Variants in NMNAT3 observed in about 807,000 individuals in gnomAD.
NMNAT3 encodes nicotinamide/nicotinic acid mononucleotide adenylyltransferase 3.
NMNAT3 carries 21 observed loss-of-function variants against 24.8 expected under a neutral mutation model. The observed-to-expected ratio is 0.85, with a 90% CI of 0.60 to 1.22. The LOEUF (loss-of-function observed/expected upper bound fraction) is 1.22. Ranked by LOEUF, NMNAT3 falls within the 50% of genes most tolerant of loss-of-function variation. NMNAT3 has a pLI of 0.00. For synonymous variants in NMNAT3, 136 were observed against 155.2 expected, an observed-to-expected ratio of 0.88 and a Z score of 0.92; for missense variants, 387 against 436.6, an observed-to-expected ratio of 0.89 and a Z score of 1.01.
At chr3:139,615,136 T>C (rs1576651862) in intron 3 of NMNAT3, among the ~76,000 whole-genome samples, 1 of 152,222 alleles carries the variant, frequency 6.6e-6, no homozygotes, top group East Asian at 1.9e-4. Context: ...TGGGAGACCT[T>C]ACATTGGCTG....
intron 2 of NMNAT3, among the ~76,000 whole-genome samples, chr3:139,628,626 A>G (rs184066936): frequency 6.6e-5 from 10 of 152,290 alleles, no homozygotes; most frequent in Admixed American, 5.2e-4. Context: ...TTGAGGTTAA[A>G]GGTGAGAAGG....
intron 5 of NMNAT3, 41 bp from the exon 6 acceptor site, chr3:139,573,721 C>T (rs747067315): frequency 8.3e-7 from 1 of 1,203,298 alleles, no homozygotes; most frequent in Admixed American, 2.5e-5. Flanking sequence ...GTCTGTCCTC[C>T]AGCCCTCAAA....
chr3:139,655,113 A>G (rs2057194430), intron 1 of NMNAT3, among the ~76,000 whole-genome samples: 1 of 152,178 alleles, frequency 6.6e-6, no homozygotes, highest in Non-Finnish European at 1.5e-5. Flanking sequence ...GGAAGAGAAA[A>G]CAGCATTTGC....
chr3:139,565,406 C>T (rs549391516), intron 6 of NMNAT3: 1 of 152,128 alleles, frequency 6.6e-6, no homozygotes. Context: ...TACATGTGCA[C>T]AACGTGCAGG....
intron 3 of NMNAT3, among the ~76,000 whole-genome samples, chr3:139,613,903 C>A (rs559541198): frequency 6.6e-6 from 1 of 151,890 alleles, no homozygotes; most frequent in Non-Finnish European, 1.5e-5. Flanking sequence ...ACCAAACACC[C>A]GCATGTTCTC....
At chr3:139,653,861 G>A (rs1038248618) in intron 1 of NMNAT3, among the ~76,000 whole-genome samples, 3 of 152,232 alleles carry the variant, frequency 2.0e-5, no homozygotes, top group African/African-American at 7.2e-5. Context: ...GCATTTCAGA[G>A]CAAGGTAGAA....
At chr3:139,652,548 C>T (rs2108393088) in intron 1 of NMNAT3, among the ~76,000 whole-genome samples, 1 of 152,234 alleles carries the variant, frequency 6.6e-6, no homozygotes, top group Non-Finnish European at 1.5e-5. Flanking sequence ...AGCATGGCCC[C>T]TCAGGACCTG....
At chr3:139,562,725 A>C (rs1223391140) in intron 6 of NMNAT3, among the ~76,000 whole-genome samples, 2 of 152,234 alleles carry the variant, frequency 1.3e-5, no homozygotes, top group Non-Finnish European at 2.9e-5. Context: ...CCTGGCCTCA[A>C]CTGGGCACAG....
At chr3:139,561,665 A>T (rs1015144274) in intron 6 of NMNAT3, among the ~76,000 whole-genome samples, 1 of 152,192 alleles carries the variant, frequency 6.6e-6, no homozygotes, top group East Asian at 1.9e-4. Context: ...TTCTAACAGA[A>T]GTCTGTCTGT....
At chr3:139,567,210 G>A (rs1274193710) in intron 6 of NMNAT3, 2 of 152,094 alleles carry the variant, frequency 1.3e-5, no homozygotes, top group African/African-American at 4.8e-5. Flanking sequence ...CATTGATTTT[G>A]TATCCTGAGA....
Position 139,622,018 on chromosome 3 carries a change from A to G in NMNAT3, c.109+5598T>C, listed in dbSNP as rs540102710. 3.3e-5 allele frequency among the ~76,000 whole-genome samples: 5 copies of G among 152,248 alleles called. No individual in the cohort carries two copies. The East Asian group carries it at 9.7e-4, about 29-fold the overall frequency. On this transcript the variant is annotated intron_variant, in intron 3 of 6. Transcript: ENST00000643695. The stretch of plus-strand genomic sequence containing the variant: ...CTTAGGTTGATTCCATATCTTTGCT[A>G]TTGTGAATAGTGCTGCAATAAACAT...
chr3:139,596,937 TATATATATATATATATATATA>T (rs2054496499), intron 3 of NMNAT3, among the ~76,000 whole-genome samples: 1 of 79,988 alleles, frequency 1.3e-5, no homozygotes, highest in African/African-American at 5.3e-5. Flanking sequence ...TATATATATA[TATATATATATATATATATATA>T]TATATATTTT....
chr3:139,563,196 G>C (rs1247827901), intron 6 of NMNAT3, among the ~76,000 whole-genome samples: 1 of 152,178 alleles, frequency 6.6e-6, no homozygotes, highest in Admixed American at 6.5e-5. Context: ...TCACTAATTT[G>C]GGCTGGTCCC....
chr3:139,597,971 C>T (rs916291020), intron 3 of NMNAT3, among the ~76,000 whole-genome samples: 2 of 152,072 alleles, frequency 1.3e-5, no homozygotes, highest in African/African-American at 2.4e-5. Flanking sequence ...TCTTGTATGC[C>T]GTTGATAATT....
chr3:139,592,430 C>T (rs1407082331), intron 3 of NMNAT3, among the ~76,000 whole-genome samples: 7 of 152,200 alleles, frequency 4.6e-5, no homozygotes, highest in Non-Finnish European at 1.0e-4. Flanking sequence ...CCCAATCTAG[C>T]AAGGCAGGCC....
chr3:139,573,651 G>A lies in NMNAT3; in HGVS notation c.605C>T (p.Pro202Leu), dbSNP rs61746869. 7.5e-4 allele frequency: 1,204 copies of A among 1,605,534 alleles called. 4 individuals carry two copies. In the African/African-American group the frequency reaches 0.013, roughly 17 times the overall value. The change falls in exon 6 of 7, where the codon CCA becomes CTA. Residue 202 changes from proline (P) to leucine (L), a missense_variant. Pro to Leu is a moderately conservative substitution (Grantham distance 98). Around this residue, in one of 3 missense-constraint regions of NMNAT3, gnomAD observed 323 missense variants for 345.2 expected, o/e 0.94. Transcript: ENST00000643695. ...ATGGTCTGGGCCTTCCATCTGGGGT[G>A]GAGATCTGAGCAGTTTGCTGTGATG...
Position 139,578,958 on chromosome 3 carries a change from C to T in NMNAT3, c.489G>A (p.Arg163=). 1.2e-6 allele frequency: 2 copies of T among 1,614,200 alleles called. No homozygotes were observed. Among genetic ancestry groups the T allele is most frequent in the Non-Finnish European group, 1.7e-6 (2 of 1,180,032 alleles). Reference sequence around the variant, plus strand: ...TCCAGTCGGATGTCTGCAGGGCCAGCCGGGCCATGGCCACTCGGTGATGAG... The same window carrying T: ...TCCAGTCGGATGTCTGCAGGGCCAGTCGGGCCATGGCCACTCGGTGATGAG... Residue 163 remains arginine, a synonymous_variant, in exon 5 of 7, where the codon CGG becomes CGA. Coordinates refer to ENST00000643695, the MANE Select transcript of NMNAT3 (RefSeq NM_001320510.2).
At chr3:139,571,801 G>C (rs1938403548) in intron 6 of NMNAT3, among the ~76,000 whole-genome samples, 1 of 152,052 alleles carries the variant, frequency 6.6e-6, no homozygotes, top group Non-Finnish European at 1.5e-5. Flanking sequence ...AGGAGGGGAG[G>C]CCAGGCAAAA....
At position 139,561,146 on chromosome 3, in the gene NMNAT3, G is replaced by C; in HGVS notation, c.905C>G (p.Ala302Gly). The C allele has an allele frequency of 6.2e-7, 1 of 1,614,146 alleles. No homozygotes were observed. The highest frequency in any genetic ancestry group is 8.5e-7 in the Non-Finnish European group (1 of 1,180,028). Residue 302 changes from alanine (A) to glycine (G), a missense_variant, in exon 7 of 7, where the codon GCC becomes GGC. Physicochemically the swap from Ala to Gly is moderately conservative, Grantham distance 60 (BLOSUM62 0). Transcript: ENST00000643695. ...CTTTACGCTCTGCCCTTGGCCCAAG[G>C]CTCGCCTGATGTATGTGGCACTGAT...
Sources: gnomAD v4.1 joint callset for allele counts (sites outside exome capture counted in the v4.1 genomes callset) on GRCh38, gnomAD v4.1.1 for gene constraint, gnomAD v4.1.1 regional missense constraint, MANE v1.5 for transcripts, NCBI Gene and HGNC (gene_info 2026-07-23, HGNC 2026-07-21) for gene names.